The following PALLD variants were observed in gnomAD, a reference collection of about 807,000 sequenced individuals.
The protein encoded by PALLD is palladin, cytoskeletal associated protein, also known as palladin.
A neutral mutation model predicts 123.5 loss-of-function variants in PALLD; 61 were observed. The ratio of observed to expected loss-of-function variants is 0.49; its 90% CI spans 0.40 to 0.61. The LOEUF (loss-of-function observed/expected upper bound fraction) is 0.61. PALLD is among the 20% of genes least tolerant of loss of function. The pLI is 0.00. For synonymous variants in PALLD, 465 were observed against 496.4 expected, an observed-to-expected ratio of 0.94 and a Z score of 0.84; for missense variants, 1,273 against 1,377.0, an observed-to-expected ratio of 0.92 and a Z score of 1.20.
intron 10 of PALLD, among the ~76,000 whole-genome samples, chr4:168,873,524 A>G (rs1350693666): frequency 1.3e-5 from 2 of 152,230 alleles, no homozygotes; most frequent in Non-Finnish European, 2.9e-5. Context: ...TGCTCCAGAG[A>G]GACATATCAG....
At chr4:168,572,165 G>C (rs572177357) in intron 2 of PALLD, among the ~76,000 whole-genome samples, 1 of 152,006 alleles carries the variant, frequency 6.6e-6, no homozygotes, top group African/African-American at 2.4e-5. Flanking sequence ...TTTCTTCTTG[G>C]CAGTGAAACC....
At chr4:168,567,816 G>A (rs1768560438) in intron 2 of PALLD, among the ~76,000 whole-genome samples, 2 of 151,812 alleles carry the variant, frequency 1.3e-5, no homozygotes, top group South Asian at 4.2e-4. Flanking sequence ...GGATGGGAGG[G>A]GGGATGAAAA....
chr4:168,642,265 GACTA>G (rs1295539384), intron 2 of PALLD, among the ~76,000 whole-genome samples: 1 of 152,216 alleles, frequency 6.6e-6, no homozygotes. Flanking sequence ...ACTGAAAGCA[GACTA>G]ACAGAGTGGT....
At chr4:168,863,954 A>G (rs2151044140) in intron 10 of PALLD, 1 of 152,342 alleles carries the variant, frequency 6.6e-6, no homozygotes, top group Non-Finnish European at 1.5e-5. Flanking sequence ...GGTGGCCACA[A>G]TCAAGAGATA....
intron 10 of PALLD, among the ~76,000 whole-genome samples, chr4:168,718,275 A>C (rs78064797): frequency 6.6e-6 from 1 of 152,344 alleles, no homozygotes; most frequent in Non-Finnish European, 1.5e-5. Context: ...TATAAACCTT[A>C]CCTGGTTGAT....
intron 2 of PALLD, chr4:168,598,374 TG>T: frequency 1.7e-6 from 1 of 601,732 alleles, no homozygotes; most frequent in Non-Finnish European, 3.2e-6. Flanking sequence ...GCTAACTTCC[TG>T]AGACTTGTTA....
At chr4:168,734,657 C>A (rs28378455) in intron 10 of PALLD, among the ~76,000 whole-genome samples, 6,714 of 152,170 alleles carry the variant, frequency 0.044, 493 homozygotes, top group East Asian at 0.32. Context: ...TAAAAATCAC[C>A]CTCAAGGAGT....
At chr4:168,778,666 T>G (rs532836622) in intron 10 of PALLD, among the ~76,000 whole-genome samples, 1 of 152,340 alleles carries the variant, frequency 6.6e-6, no homozygotes, top group South Asian at 2.1e-4. Flanking sequence ...CTCAAAAATT[T>G]AAGCTCATTT....
intron 3 of PALLD, among the ~76,000 whole-genome samples, chr4:168,681,013 C>G (rs1477295008): frequency 6.6e-6 from 1 of 152,152 alleles, no homozygotes; most frequent in African/African-American, 2.4e-5. Flanking sequence ...AACACACACA[C>G]ATCTTTATTT....
At chr4:168,818,576 C>A (rs563508789) in intron 10 of PALLD, among the ~76,000 whole-genome samples, 1 of 152,214 alleles carries the variant, frequency 6.6e-6, no homozygotes, top group African/African-American at 2.4e-5. Context: ...CAGAGTGAGA[C>A]CCTGTCTCAA....
At chr4:168,794,093 C>T (rs2150626969) in intron 10 of PALLD, among the ~76,000 whole-genome samples, 1 of 152,240 alleles carries the variant, frequency 6.6e-6, no homozygotes, top group South Asian at 2.1e-4. Context: ...CGACGGAACC[C>T]CTTTTCCAGG....
chr4:168,520,245 G>C (rs1763406255), intron 2 of PALLD, among the ~76,000 whole-genome samples: 1 of 148,512 alleles, frequency 6.7e-6, no homozygotes, highest in Non-Finnish European at 1.5e-5. Flanking sequence ...AGAATGGCTT[G>C]AATCCGGGAG....
intron 4 of PALLD, 49 bp from the exon 5 acceptor site, chr4:168,682,949 A>G (rs368160733): frequency 2.1e-4 from 245 of 1,191,612 alleles, no homozygotes; most frequent in Non-Finnish European, 2.8e-4. Context: ...AAACAAAAAA[A>G]CGAAAACAAA....
chr4:168,779,455 G>T (rs1735591164), intron 10 of PALLD, among the ~76,000 whole-genome samples: 1 of 151,476 alleles, frequency 6.6e-6, no homozygotes, highest in Non-Finnish European at 1.5e-5. Flanking sequence ...TAGTTTTAAA[G>T]CTTAGACATA....
At chr4:168,783,190 T>C (rs1175698384) in intron 10 of PALLD, among the ~76,000 whole-genome samples, 1 of 152,098 alleles carries the variant, frequency 6.6e-6, no homozygotes, top group Non-Finnish European at 1.5e-5. Context: ...ATAATGGCAA[T>C]ATTTATTATT....
intron 10 of PALLD, among the ~76,000 whole-genome samples, chr4:168,816,383 A>G (rs980001046): frequency 6.1e-5 from 7 of 115,278 alleles, no homozygotes; most frequent in East Asian, 2.2e-4. Context: ...TTATATGTGT[A>G]TGTGTGTATA....
intron 2 of PALLD, among the ~76,000 whole-genome samples, chr4:168,523,517 C>T (rs1474486922): frequency 1.3e-5 from 2 of 152,138 alleles, no homozygotes; most frequent in African/African-American, 4.8e-5. Flanking sequence ...TGAACCACTA[C>T]AAAGACCAAG....
At chr4:168,862,070 T>TA (rs11446393) in intron 10 of PALLD, among the ~76,000 whole-genome samples, 15,483 of 152,186 alleles carry the variant, frequency 0.1, 859 homozygotes, top group South Asian at 0.17. Context: ...GTGTATTCTT[T>TA]AAAAAATAGG....
intron 10 of PALLD, among the ~76,000 whole-genome samples, chr4:168,716,730 G>T (rs1785403141): frequency 6.6e-6 from 1 of 152,126 alleles, no homozygotes. Context: ...ATCTTAATAA[G>T]CAATAATAAG....
Sources: gnomAD v4.1 joint callset for allele counts (sites outside exome capture counted in the v4.1 genomes callset) on GRCh38, gnomAD v4.1.1 for gene constraint, MANE v1.5 for transcripts, NCBI Gene and HGNC (gene_info 2026-07-23, HGNC 2026-07-21) for gene names.